Variants in ESR2 observed in about 807,000 individuals in gnomAD.
The protein encoded by ESR2 is estrogen receptor beta.
A neutral mutation model predicts 49.6 loss-of-function variants in ESR2; 36 were observed. The ratio of observed to expected loss-of-function variants is 0.73; its 90% CI spans 0.56 to 0.96. The LOEUF (loss-of-function observed/expected upper bound fraction) is 0.96, where lower values mean the gene tolerates loss of function less well. Ranked by LOEUF, ESR2 falls within the 40% of genes least tolerant of loss-of-function variation. The pLI, the probability that ESR2 is intolerant of heterozygous loss-of-function variation, is 0.00. For missense variants in ESR2, 714 were observed against 693.0 expected (o/e 1.03, Z -0.34); for synonymous variants, 320 against 266.1 (o/e 1.20, Z -1.97).
intron 7 of ESR2, among the ~76,000 whole-genome samples, chr14:64,248,638 T>C (rs2075919446): frequency 6.6e-6 from 1 of 152,180 alleles, no homozygotes; most frequent in Non-Finnish European, 1.5e-5. Flanking sequence ...TGAATGTTTA[T>C]TAACAATAAT....
At chr14:64,293,853 T>C (rs578021779) in intron 1 of ESR2, among the ~76,000 whole-genome samples, 180 bp downstream of exon 1, 2 of 152,346 alleles carry the variant, frequency 1.3e-5, no homozygotes, top group African/African-American at 4.8e-5. Flanking sequence ...CTTGCCAGTG[T>C]CTTGAATGAA....
At chr14:64,287,806 CA>C (rs1002412177) in intron 1 of ESR2, among the ~76,000 whole-genome samples, 4 of 152,150 alleles carry the variant, frequency 2.6e-5, no homozygotes, top group Non-Finnish European at 4.4e-5. Context: ...AAAGACTCCC[CA>C]AAAGATTTAA....
At chr14:64,303,445 TCTGA>T (rs1281656159) in intron 1 of ESR2, 1 of 147,992 alleles carries the variant, frequency 6.8e-6, no homozygotes, top group Non-Finnish European at 1.5e-5. Flanking sequence ...CAGTAGTTTG[TCTGA>T]CTGTTAGCAA....
At chr14:64,257,404 C>T (rs777362670) in intron 5 of ESR2, 40 bp from the exon 6 acceptor site, 1 of 1,610,006 alleles carries the variant, frequency 6.2e-7, no homozygotes, top group South Asian at 1.1e-5. Flanking sequence ...CCCACCCCTC[C>T]TCCTCAGCTC....
intron 1 of ESR2, among the ~76,000 whole-genome samples, chr14:64,306,413 A>G (rs985246805): frequency 9.9e-5 from 15 of 152,180 alleles, no homozygotes; most frequent in Non-Finnish European, 2.2e-4. Flanking sequence ...GCATTTGGAC[A>G]TAGTTGGATT....
At chr14:64,317,790 TG>T (rs1441812362) in intron 1 of ESR2, among the ~76,000 whole-genome samples, 1 of 152,064 alleles carries the variant, frequency 6.6e-6, no homozygotes, top group South Asian at 2.1e-4. Context: ...AGAAAAAGCA[TG>T]ACAAAATTCA....
At chr14:64,227,855 C>T (rs561041296), downstream of ESR2, 78 of 1,592,068 alleles carry the variant, frequency 4.9e-5, no homozygotes, top group South Asian at 7.4e-4. Context: ...TTTCATTGCC[C>T]ACATGCAAGG....
intron 1 of ESR2, chr14:64,329,515 G>A (rs2077428490): frequency 1.3e-5 from 2 of 152,164 alleles, no homozygotes; most frequent in African/African-American, 4.8e-5. Flanking sequence ...AGGCACTGTG[G>A]CTCATGCCTG....
chr14:64,304,834 C>T (rs752720620), intron 1 of ESR2, among the ~76,000 whole-genome samples: 1 of 151,878 alleles, frequency 6.6e-6, no homozygotes, highest in Non-Finnish European at 1.5e-5. Context: ...TGTGATTGTT[C>T]CACTGCACTC....
At chr14:64,310,180 G>A (rs1241916061) in intron 1 of ESR2, among the ~76,000 whole-genome samples, 4 of 151,878 alleles carry the variant, frequency 2.6e-5, no homozygotes, top group African/African-American at 9.7e-5. Flanking sequence ...GGCTGAGGCA[G>A]GAGAATCGCT....
chr14:64,285,421 G>T (rs2140831029), intron 1 of ESR2, among the ~76,000 whole-genome samples: 1 of 152,292 alleles, frequency 6.6e-6, no homozygotes, highest in Middle Eastern at 3.4e-3. Context: ...TTGTGAGGTG[G>T]TTGGCTTGTT....
chr14:64,279,216 T>C (rs1023875734), intron 3 of ESR2, among the ~76,000 whole-genome samples: 1 of 152,250 alleles, frequency 6.6e-6, no homozygotes, highest in African/African-American at 2.4e-5. Context: ...CATTGATTAA[T>C]GCCTTATGTC....
chr14:64,314,047 C>G (rs2077221284), intron 1 of ESR2, among the ~76,000 whole-genome samples: 1 of 152,064 alleles, frequency 6.6e-6, no homozygotes, highest in Admixed American at 6.5e-5. Flanking sequence ...TTGTAGAATA[C>G]TCCACCCTAC....
chr14:64,248,226 G>A (rs2075907538), intron 7 of ESR2, among the ~76,000 whole-genome samples: 1 of 151,826 alleles, frequency 6.6e-6, no homozygotes, highest in Non-Finnish European at 1.5e-5. Flanking sequence ...GATACAGACT[G>A]TGCACAGTGG....
At chr14:64,257,088 A>G in intron 6 of ESR2, 138 bp downstream of exon 6, 2 of 775,122 alleles carry the variant, frequency 2.6e-6, no homozygotes, top group South Asian at 3.4e-5. Context: ...TTCTTGACCC[A>G]GTGAAGGAGC....
At position 64,232,268 on chromosome 14, in the gene ESR2, T is replaced by C. The variant is rs1456134981; in HGVS notation, c.*869A>G. 1 of 152,156 alleles carries C rather than the reference T, an allele frequency of 6.6e-6. No homozygotes were observed. The highest frequency in any genetic ancestry group is 1.5e-5 in the Non-Finnish European group (1 of 68,026). The allele number at this position is 152,156 out of a possible 1,614,324, so 9.4% of individuals were successfully genotyped here. A position where few individuals can be genotyped will look rare whatever the true frequency, so the allele number is the denominator to read the frequency against. On this transcript the variant is annotated 3_prime_UTR_variant, in exon 9 of 9. Coordinates refer to ENST00000341099, the MANE Select transcript of ESR2 (RefSeq NM_001437.3). Reference sequence around the variant, plus strand: ...GTACAAGATGGAAACTGCATCCACATTGCCCCAGGGAAACACTGTGGCTGT... The same window carrying C: ...GTACAAGATGGAAACTGCATCCACACTGCCCCAGGGAAACACTGTGGCTGT...
chr14:64,227,664 G>A, downstream of ESR2: 1 of 1,613,292 alleles, frequency 6.2e-7, no homozygotes, highest in Non-Finnish European at 8.5e-7. Flanking sequence ...AGGAAGTGTG[G>A]TCTGCATTTC....
intron 5 of ESR2, 128 bp from the exon 6 acceptor site, chr14:64,257,492 G>A: frequency 8.4e-7 from 1 of 1,190,132 alleles, no homozygotes; most frequent in South Asian, 1.6e-5. Flanking sequence ...ATATTTTATA[G>A]ATGTGATTAA....
At chr14:64,295,424 T>C (rs186510427), upstream of ESR2, among the ~76,000 whole-genome samples, 23 of 152,292 alleles carry the variant, frequency 1.5e-4, no homozygotes, top group East Asian at 3.3e-3. Flanking sequence ...CCACAGGTAA[T>C]GAAGACAGGC....
Sources: allele counts gnomAD v4.1 joint callset (sites outside exome capture counted in the v4.1 genomes callset), GRCh38; gene constraint gnomAD v4.1.1; transcripts MANE v1.5; gene names NCBI Gene and HGNC (gene_info 2026-07-23, HGNC 2026-07-21).